BDP1: variants seen among roughly 807,000 people sequenced by gnomAD.
BDP1 encodes transcription factor TFIIIB component B'' homolog.
A neutral mutation model predicts 266.6 loss-of-function variants in BDP1; 169 were observed. The ratio of observed to expected loss-of-function variants is 0.63; its 90% CI spans 0.56 to 0.72. The LOEUF (loss-of-function observed/expected upper bound fraction) is 0.72. Ranked by LOEUF, BDP1 falls within the 30% of genes least tolerant of loss-of-function variation. The pLI is 0.00. For synonymous variants in BDP1, 1,090 were observed against 1,022.4 expected (o/e 1.07, Z -1.26); for missense variants, 3,015 against 3,053.8 (o/e 0.99, Z 0.30).
intron 25 of BDP1, among the ~76,000 whole-genome samples, chr5:71,531,271 CA>C (rs1035549878): frequency 2.0e-5 from 3 of 151,766 alleles, no homozygotes; most frequent in African/African-American, 7.3e-5. Context: ...AAAAGAAAAA[CA>C]AAAAAATAAG....
At chr5:71,544,301 C>A in intron 30 of BDP1, 56 bp from the exon 31 acceptor site, 3 of 1,500,700 alleles carry the variant, frequency 2.0e-6, no homozygotes, top group Non-Finnish European at 2.7e-6. Context: ...GTTTCTAATA[C>A]AGGGATTTTA....
chr5:71,502,457 A>T, intron 14 of BDP1, 142 bp from the exon 15 acceptor site: 1 of 734,360 alleles, frequency 1.4e-6, no homozygotes, highest in Non-Finnish European at 2.2e-6. Context: ...TACAGGTGCG[A>T]GCCACTGCGC....
Position 71,511,056 on chromosome 5 carries a change from G to A in BDP1, c.3964G>A (p.Glu1322Lys), listed in dbSNP as rs780831727. The A allele has an allele frequency of 1.7e-5, 28 of 1,614,084 alleles. No homozygotes were observed. The South Asian group carries it at 2.5e-4, about 15-fold the overall frequency. ...AACAGACATTTCTCCAAGGGAAAACGAGCTAGAGGAGACCAGTACCTCAAG... is the reference window on the plus strand; with the variant it reads ...AACAGACATTTCTCCAAGGGAAAACAAGCTAGAGGAGACCAGTACCTCAAG... The part of the protein sequence containing the change: ...GKTDISPREN[E>K]LEETSTSRQT... Residue 1322 changes from glutamate (E) to lysine (K), a missense_variant, in exon 17 of 39, where the codon GAG becomes AAG. Around this residue, in one of 3 missense-constraint regions of BDP1, gnomAD observed 2,383 missense variants for 2,404.9 expected, o/e 0.99. Coordinates refer to ENST00000358731, the MANE Select transcript of BDP1 (RefSeq NM_018429.3).
chr5:71,558,278 G>A (rs1042524874), intron 36 of BDP1, among the ~76,000 whole-genome samples: 86 of 152,154 alleles, frequency 5.7e-4, no homozygotes, highest in African/African-American at 2.0e-3. Flanking sequence ...CTCATGGCCT[G>A]TAATCTCAGC....
At chr5:71,484,840 A>G (rs1424243008) in intron 8 of BDP1, among the ~76,000 whole-genome samples, 3 of 150,540 alleles carry the variant, frequency 2.0e-5, no homozygotes, top group Admixed American at 6.6e-5. Flanking sequence ...CTAATTTTAG[A>G]AAAAAAAAAT....
In BDP1 at chr5:71,510,651, C is replaced by G; in HGVS notation, c.3559C>G (p.Arg1187Gly). ...GREGSSREKT[R>G]EVIDAAEVIE... Reference sequence around the variant, plus strand: ...AGAGGGTTCCTCAAGGGAGAAGACACGAGAGGTGATTGATGCTGCTGAGGT... The same window carrying G: ...AGAGGGTTCCTCAAGGGAGAAGACAGGAGAGGTGATTGATGCTGCTGAGGT... The change falls in exon 17 of 39, where the codon CGA becomes GGA. Residue 1187 changes from arginine (R) to glycine (G), a missense_variant. Arg to Gly is a moderately radical substitution (Grantham distance 125). Around this residue, in one of 3 missense-constraint regions of BDP1, gnomAD observed 2,383 missense variants for 2,404.9 expected, o/e 0.99. Transcript: ENST00000358731. 1.9e-6 allele frequency: 3 copies of G among 1,585,562 alleles called. No homozygotes were observed. The highest frequency in any genetic ancestry group is 1.7e-6 in the Non-Finnish European group (2 of 1,162,600).
chr5:71,562,735 A>G, intron 38 of BDP1: 3 of 1,460,378 alleles, frequency 2.1e-6, no homozygotes, highest in Non-Finnish European at 2.7e-6. Context: ...CCATTGAACT[A>G]ACCATAAATG....
rs776927141 is a variant in BDP1 at position 71,541,437 on chromosome 5, T to G, written c.6023-17T>G. 33 of 1,047,602 alleles carry G rather than the reference T, an allele frequency of 3.2e-5. 1 individual carries two copies. Among genetic ancestry groups the G allele is most frequent in the African/African-American group, 4.9e-5 (3 of 61,094 alleles). The allele number at this position is 1,047,602 out of a possible 1,614,324, so 64.9% of individuals were successfully genotyped here. On this transcript the variant is annotated splice_polypyrimidine_tract_variant and intron_variant, in intron 28 of 38. Coordinates refer to ENST00000358731, the MANE Select transcript of BDP1 (RefSeq NM_018429.3). ...AATTTGGTCCATTTTAATTTTGTTT[T>G]TTTTTTTTTTCTTCAGTAGGAGTAT...
chr5:71,537,359 A>G lies in BDP1; in HGVS notation c.5893-1683A>G, dbSNP rs1267731709. Among the ~76,000 whole-genome samples the G allele has an allele frequency of 3.3e-5, 5 of 152,156 alleles. No homozygotes were observed. In the East Asian group the frequency reaches 9.6e-4, roughly 29 times the overall value. On this transcript the variant is annotated intron_variant, in intron 26 of 38. Coordinates refer to ENST00000358731, the MANE Select transcript of BDP1 (RefSeq NM_018429.3). ...TGTACCAAAAAATAAACAACTGGAA[A>G]ATGATTTTTACCCTTAAAAGCATGT...
downstream of BDP1, among the ~76,000 whole-genome samples, chr5:71,568,633 A>G (rs617876): frequency 0.3 from 45,722 of 152,032 alleles, 7,952 homozygotes; most frequent in East Asian, 0.51. Context: ...TCAAAAATAG[A>G]TCCCATGTCC....
At position 71,511,046 on chromosome 5, in the gene BDP1, A is replaced by G; in HGVS notation, c.3954A>G (p.Pro1318=). 1 of 1,614,220 alleles carries G rather than the reference A, an allele frequency of 6.2e-7. No individual in the cohort carries two copies. ...LKQTGKTDIS[P]RENELEETST... ...AAACTGGAAAAACAGACATTTCTCCAAGGGAAAACGAGCTAGAGGAGACCA... is the reference window on the plus strand; with the variant it reads ...AAACTGGAAAAACAGACATTTCTCCGAGGGAAAACGAGCTAGAGGAGACCA... Residue 1318 remains proline (P), a synonymous_variant, in exon 17 of 39, where the codon CCA becomes CCG. Transcript: ENST00000358731.
rs770387874 is a variant in BDP1 at position 71,510,077 on chromosome 5, G to A, written c.2985G>A (p.Arg995=). Residue 995 remains arginine (R), a synonymous_variant, in exon 17 of 39, where the codon AGG becomes AGA. Coordinates refer to ENST00000358731, the MANE Select transcript of BDP1 (RefSeq NM_018429.3). Reference sequence around the variant, plus strand: ...CTGGAAGAAGAAAAATATCCCCAAGGGAAAATGGCCCAGAGGAGGTCAAGC... The same window carrying A: ...CTGGAAGAAGAAAAATATCCCCAAGAGAAAATGGCCCAGAGGAGGTCAAGC... ...EETGRRKISP[R]ENGPEEVKPV... The A allele has an allele frequency of 3.1e-6, 5 of 1,613,440 alleles. No homozygotes were observed. The highest frequency in any genetic ancestry group is 4.2e-6 in the Non-Finnish European group (5 of 1,179,910).
chr5:71,516,324 A>G lies in BDP1; in HGVS notation c.4860+53A>G, dbSNP rs183435659. 779 of 1,336,956 alleles carry G rather than the reference A, an allele frequency of 5.8e-4. 3 individuals are homozygous for G. The African/African-American group carries it at 8.2e-3, about 14-fold the overall frequency. The allele number at this position is 1,336,956 out of a possible 1,614,324, so 82.8% of individuals were successfully genotyped here. A position where few individuals can be genotyped will look rare whatever the true frequency, so the allele number is the denominator to read the frequency against. On this transcript the variant is annotated intron_variant, in intron 21 of 38. Coordinates refer to ENST00000358731, the MANE Select transcript of BDP1 (RefSeq NM_018429.3). ...AGCCTTTTAATGCATTTAAAATGTC[A>G]AGTTATAGCTCAGACATAGCTTAGA...
At chr5:71,496,920 G>A (rs867535863) in intron 12 of BDP1, among the ~76,000 whole-genome samples, 4 of 152,056 alleles carry the variant, frequency 2.6e-5, no homozygotes, top group Non-Finnish European at 4.4e-5. Flanking sequence ...TATTTCTTAC[G>A]TTTTATCCTC....
chr5:71,573,445 T>C, the BDP1 span, among the ~76,000 whole-genome samples: 5 of 152,082 alleles, frequency 3.3e-5, no homozygotes, highest in African/African-American at 1.2e-4. Context: ...ATCCAAATAA[T>C]GCACAGCAGC....
intron 7 of BDP1, among the ~76,000 whole-genome samples, chr5:71,482,539 G>A (rs905903028): frequency 2.6e-5 from 4 of 152,180 alleles, no homozygotes; most frequent in Non-Finnish European, 4.4e-5. Context: ...GATTTATTTT[G>A]TGATCATGGA....
chr5:71,495,387 T>C lies in BDP1; in HGVS notation c.1778T>C (p.Val593Ala). ...GGTAGTTGTATAGAAGAAAGAAATG[T>C]TGACCTAAAAAATAATTCACTGTAA... ...AEGSCIEERNVDLKNNSLEID... is the reference protein window; with the variant it reads ...AEGSCIEERNADLKNNSLEID... The change falls in exon 12 of 39, where the codon GTT (valine) becomes GCT (alanine). Residue 593 changes from valine to alanine, a missense_variant. Physicochemically the swap from Val to Ala is moderately conservative, Grantham distance 64 (BLOSUM62 0). Around this residue, in one of 3 missense-constraint regions of BDP1, gnomAD observed 2,383 missense variants for 2,404.9 expected, o/e 0.99. Coordinates refer to ENST00000358731, the MANE Select transcript of BDP1 (RefSeq NM_018429.3). 1.3e-6 allele frequency: 2 copies of C among 1,580,956 alleles called. No individual in the cohort carries two copies. Among genetic ancestry groups the C allele is most frequent in the Non-Finnish European group, 1.7e-6 (2 of 1,163,478 alleles).
intron 11 of BDP1, among the ~76,000 whole-genome samples, chr5:71,491,541 C>T (rs1370558165): frequency 6.6e-6 from 1 of 151,808 alleles, no homozygotes; most frequent in African/African-American, 2.4e-5. Flanking sequence ...GATTTACCCT[C>T]AATAGATTTT....
Position 71,512,381 on chromosome 5 carries a change from G to A in BDP1, c.4200G>A (p.Gly1400=), listed in dbSNP as rs1046216068. 6.3e-7 allele frequency: 1 copy of A among 1,589,348 alleles called. No homozygotes were observed. Among genetic ancestry groups the A allele is most frequent in the Admixed American group, 1.9e-5 (1 of 52,308 alleles). ...AATCTGATAAAACAGAAGTCCAGGG[G>A]ATTCAATCTCCAGATGTTCCAGAGC... ...THESDKTEVQ[G]IQSPDVPEQF... is the part of the protein sequence containing the mutation. Residue 1400 remains glycine, a synonymous_variant, in exon 18 of 39, where the codon GGG becomes GGA. Coordinates refer to ENST00000358731, the MANE Select transcript of BDP1 (RefSeq NM_018429.3).
Sources: gnomAD v4.1 joint callset for allele counts (sites outside exome capture counted in the v4.1 genomes callset) on GRCh38, gnomAD v4.1.1 for gene constraint, gnomAD v4.1.1 regional missense constraint, MANE v1.5 for transcripts, NCBI Gene and HGNC (gene_info 2026-07-23, HGNC 2026-07-21) for gene names.